Variants in NCKAP5 observed in about 807,000 individuals in gnomAD.
NCKAP5 encodes the protein nck-associated protein 5.
A neutral mutation model predicts 167.0 loss-of-function variants in NCKAP5; 92 were observed. The observed-to-expected ratio is 0.55, with a 90% CI of 0.47 to 0.66. NCKAP5 has a LOEUF of 0.66. NCKAP5 is among the 30% of genes least tolerant of loss of function. The pLI is 0.00. For missense variants in NCKAP5, 2,378 were observed against 2,315.0 expected, an observed-to-expected ratio of 1.03 and a Z score of -0.56; for synonymous variants, 891 against 877.4, an observed-to-expected ratio of 1.02 and a Z score of -0.27.
intron 10 of NCKAP5, 117 bp from the exon 11 acceptor site, chr2:132,860,728 A>C: frequency 8.0e-7 from 1 of 1,242,534 alleles, no homozygotes. Flanking sequence ...TTATTCTTCA[A>C]AGCCCCCAGA....
intron 11 of NCKAP5, among the ~76,000 whole-genome samples, chr2:132,834,680 G>C (rs1276699747): frequency 6.6e-6 from 1 of 152,046 alleles, no homozygotes; most frequent in Non-Finnish European, 1.5e-5. Context: ...GTAGAGACAA[G>C]GTCTTGCTAT....
At chr2:133,385,771 C>T (rs1419621455) in intron 3 of NCKAP5, among the ~76,000 whole-genome samples, 1 of 152,064 alleles carries the variant, frequency 6.6e-6, no homozygotes, top group Non-Finnish European at 1.5e-5. Flanking sequence ...CTGGTTTAGT[C>T]TTGGGAGGGT....
intron 5 of NCKAP5, among the ~76,000 whole-genome samples, chr2:133,149,189 C>T (rs1178296478): frequency 6.6e-6 from 1 of 152,170 alleles, no homozygotes; most frequent in Non-Finnish European, 1.5e-5. Flanking sequence ...CTGTCACATA[C>T]ATAGAAGCTT....
intron 2 of NCKAP5, among the ~76,000 whole-genome samples, chr2:133,528,296 A>C (rs936471102): frequency 4.0e-5 from 6 of 149,962 alleles, no homozygotes; most frequent in African/African-American, 1.5e-4. Flanking sequence ...GTTTTGAGCA[A>C]TAAAAATCAA....
chr2:132,683,055 T>C (rs972645062), intron 19 of NCKAP5, among the ~76,000 whole-genome samples: 1 of 151,980 alleles, frequency 6.6e-6, no homozygotes, highest in Non-Finnish European at 1.5e-5. Flanking sequence ...GGCTAATTTT[T>C]GTATTTTTAG....
intron 2 of NCKAP5, among the ~76,000 whole-genome samples, chr2:133,555,231 T>C (rs1207215923): frequency 1.3e-5 from 2 of 152,230 alleles, no homozygotes; most frequent in Admixed American, 1.3e-4. Context: ...ATATTATCTC[T>C]TTTTATGACC....
At chr2:133,177,164 CTATATA>C (rs61395261) in intron 5 of NCKAP5, among the ~76,000 whole-genome samples, 25,968 of 138,558 alleles carry the variant, frequency 0.19, 2,721 homozygotes, top group African/African-American at 0.33. Flanking sequence ...GTTTTGTTTT[CTATATA>C]TATATATATA....
At chr2:132,834,647 CT>C (rs1473313944) in intron 11 of NCKAP5, among the ~76,000 whole-genome samples, 3 of 152,034 alleles carry the variant, frequency 2.0e-5, no homozygotes, top group East Asian at 3.9e-4. Context: ...ACCCAGCCAA[CT>C]TTTTTTAAAT....
intron 4 of NCKAP5, among the ~76,000 whole-genome samples, chr2:133,243,195 T>A (rs1050731294): frequency 2.6e-5 from 4 of 152,188 alleles, no homozygotes; most frequent in African/African-American, 9.7e-5. Flanking sequence ...AAATAGAGTT[T>A]AAATTGGCAG....
chr2:133,160,004 TCTTCAATCAGAGTAC>T (rs1378684775), intron 5 of NCKAP5, among the ~76,000 whole-genome samples: 1 of 152,220 alleles, frequency 6.6e-6, no homozygotes, highest in Admixed American at 6.5e-5. Context: ...CCCCATCTGG[TCTTCAATCAGAGTAC>T]CTCCACTCTG....
intron 8 of NCKAP5, among the ~76,000 whole-genome samples, chr2:132,896,880 G>T (rs569803255): frequency 6.6e-6 from 1 of 152,148 alleles, no homozygotes; most frequent in African/African-American, 2.4e-5. Flanking sequence ...AGGAACACAC[G>T]GTTTCAAGCT....
chr2:132,864,624 C>T (rs969222467), intron 10 of NCKAP5, among the ~76,000 whole-genome samples: 2 of 152,172 alleles, frequency 1.3e-5, no homozygotes, highest in Non-Finnish European at 2.9e-5. Flanking sequence ...TATAGGAGTA[C>T]AGTTACTTTA....
intron 4 of NCKAP5, among the ~76,000 whole-genome samples, chr2:133,247,137 C>T (rs2088041173): frequency 6.6e-6 from 1 of 152,118 alleles, no homozygotes; most frequent in African/African-American, 2.4e-5. Flanking sequence ...TTTATAAACA[C>T]CTAATACACA....
At chr2:132,749,827 G>A (rs1294225312) in intron 16 of NCKAP5, among the ~76,000 whole-genome samples, 1 of 152,178 alleles carries the variant, frequency 6.6e-6, no homozygotes, top group African/African-American at 2.4e-5. Context: ...ATGGTTAACT[G>A]GCTGGCAGAT....
At chr2:132,987,106 T>G (rs6716641) in intron 7 of NCKAP5, among the ~76,000 whole-genome samples, 1,999 of 152,288 alleles carry the variant, frequency 0.013, 42 homozygotes, top group African/African-American at 0.046. Flanking sequence ...GTTGTGGTTC[T>G]CCTGTCCAGC....
At chr2:133,019,678 T>A (rs1027860795) in intron 6 of NCKAP5, among the ~76,000 whole-genome samples, 1 of 152,298 alleles carries the variant, frequency 6.6e-6, no homozygotes, top group African/African-American at 2.4e-5. Context: ...AAGAGTGCAT[T>A]GGATGTATCT....
intron 8 of NCKAP5, among the ~76,000 whole-genome samples, chr2:132,897,985 GT>G (rs1484960188): frequency 6.6e-6 from 1 of 152,096 alleles, no homozygotes; most frequent in African/African-American, 2.4e-5. Context: ...AACAATAAAG[GT>G]TGCAGCATCA....
chr2:132,910,642 A>G (rs1276394742), intron 8 of NCKAP5, among the ~76,000 whole-genome samples: 1 of 152,224 alleles, frequency 6.6e-6, no homozygotes, highest in East Asian at 1.9e-4. Flanking sequence ...GTATATATGT[A>G]CCACATTTTC....
At chr2:132,858,299 AT>A (rs780091981) in intron 11 of NCKAP5, among the ~76,000 whole-genome samples, 38 of 152,290 alleles carry the variant, frequency 2.5e-4, no homozygotes, top group African/African-American at 7.0e-4. Context: ...CTCAACATTC[AT>A]GTAAGACAGG....
Sources: allele counts gnomAD v4.1 joint callset (sites outside exome capture counted in the v4.1 genomes callset), GRCh38; gene constraint gnomAD v4.1.1; transcripts MANE v1.5; gene names NCBI Gene and HGNC (gene_info 2026-07-23, HGNC 2026-07-21).